TTLL5: variants seen among roughly 807,000 people sequenced by gnomAD.
The protein encoded by TTLL5 is tubulin tyrosine ligase like 5, also known as tubulin polyglutamylase TTLL5.
A neutral mutation model predicts 168.4 loss-of-function variants in TTLL5; 132 were observed. The observed-to-expected ratio is 0.78, with a 90% CI of 0.68 to 0.91. The LOEUF (loss-of-function observed/expected upper bound fraction) is 0.91, where lower values mean the gene tolerates loss of function less well. Among genes scored for constraint, TTLL5 ranks in the 40% least tolerant of loss-of-function variants. The pLI is 0.00. For missense variants in TTLL5, 1,545 were observed against 1,581.5 expected (o/e 0.98, Z 0.39); for synonymous variants, 546 against 558.6 (o/e 0.98, Z 0.32).
At chr14:75,870,507 A>G (rs979363879) in intron 29 of TTLL5, among the ~76,000 whole-genome samples, 2 of 152,166 alleles carry the variant, frequency 1.3e-5, no homozygotes, top group Non-Finnish European at 2.9e-5. Flanking sequence ...ACTTTTATTA[A>G]GTAATGGGTT....
chr14:75,945,056 G>A (rs2034725435), intron 31 of TTLL5, among the ~76,000 whole-genome samples: 1 of 151,972 alleles, frequency 6.6e-6, no homozygotes, highest in Admixed American at 6.6e-5. Context: ...GAGAAGAGAT[G>A]CAAGACGCCA....
At chr14:75,668,545 CA>C (rs1471524599) in intron 2 of TTLL5, among the ~76,000 whole-genome samples, 1 of 152,194 alleles carries the variant, frequency 6.6e-6, no homozygotes, top group Non-Finnish European at 1.5e-5. Flanking sequence ...AGTAAATATT[CA>C]TCAGCCTAAA....
chr14:75,661,985 GTTTCT>G (rs1415549787), intron 1 of TTLL5, among the ~76,000 whole-genome samples: 1 of 152,076 alleles, frequency 6.6e-6, no homozygotes, highest in African/African-American at 2.4e-5. Context: ...ATTTAAACAT[GTTTCT>G]TTTATTTGTA....
intron 30 of TTLL5, among the ~76,000 whole-genome samples, chr14:75,891,385 A>G (rs1279622003): frequency 2.6e-5 from 4 of 152,118 alleles, no homozygotes; most frequent in Middle Eastern, 3.4e-3. Flanking sequence ...TCTGCTTTCT[A>G]TAGCTCTCTC....
rs1193617462 is a variant in TTLL5, at chr14:75,707,013, A to G, written c.586-5A>G. Reference sequence around the variant, plus strand: ...ATTCTTTCATTCTTTCTCTTTACTCAATAGCCAAACCAGATCTCCCTGGAA... The same window carrying G: ...ATTCTTTCATTCTTTCTCTTTACTCGATAGCCAAACCAGATCTCCCTGGAA... On this transcript the variant is annotated splice_region_variant and splice_polypyrimidine_tract_variant and intron_variant, in intron 7 of 31. Coordinates refer to ENST00000298832, the MANE Select transcript of TTLL5 (RefSeq NM_015072.5). 2 of 1,606,488 alleles carry G rather than the reference A, an allele frequency of 1.2e-6. No homozygotes were observed. The highest frequency in any genetic ancestry group is 2.2e-5 in the East Asian group (1 of 44,564).
At chr14:75,792,784 T>G (rs780470577) in intron 26 of TTLL5, 132 bp from the exon 27 acceptor site, 100 of 711,950 alleles carry the variant, frequency 1.4e-4, no homozygotes, top group Non-Finnish European at 2.0e-4. Context: ...GAAGATAGTT[T>G]ATTTCTCCTA....
intron 15 of TTLL5, among the ~76,000 whole-genome samples, chr14:75,738,127 TGAA>T (rs1191005872): frequency 2.0e-5 from 3 of 152,222 alleles, no homozygotes; most frequent in Non-Finnish European, 4.4e-5. Context: ...ATGCTACCTT[TGAA>T]ATACAAACAT....
intron 12 of TTLL5, among the ~76,000 whole-genome samples, chr14:75,728,329 C>CAATGGTG (rs1888316222): frequency 1.4e-5 from 2 of 147,930 alleles, no homozygotes; most frequent in South Asian, 4.3e-4. Flanking sequence ...GCACTCTAGC[C>CAATGGTG]TGGGAGACAA....
intron 15 of TTLL5, among the ~76,000 whole-genome samples, chr14:75,740,613 C>T (rs1181560747): frequency 6.6e-6 from 1 of 152,140 alleles, no homozygotes; most frequent in Non-Finnish European, 1.5e-5. Flanking sequence ...TTGCTTTCTC[C>T]CCTCCACCTG....
At chr14:75,682,239 C>T (rs1299448672) in intron 4 of TTLL5, among the ~76,000 whole-genome samples, 1 of 150,218 alleles carries the variant, frequency 6.7e-6, no homozygotes, top group Non-Finnish European at 1.5e-5. Flanking sequence ...GAATGATGTG[C>T]AGAGGGGACT....
intron 18 of TTLL5, among the ~76,000 whole-genome samples, chr14:75,762,096 T>TA (rs937845046): frequency 1.1e-4 from 16 of 150,822 alleles, no homozygotes; most frequent in Admixed American, 4.6e-4. Context: ...TTTAAATATT[T>TA]AAAAAAAAAA....
intron 9 of TTLL5, among the ~76,000 whole-genome samples, chr14:75,717,261 C>T (rs1887530885): frequency 6.6e-6 from 1 of 151,968 alleles, no homozygotes; most frequent in East Asian, 1.9e-4. Context: ...ACTACAGGTG[C>T]ACACTACCAC....
At chr14:75,864,327 C>T (rs1043302567) in intron 29 of TTLL5, among the ~76,000 whole-genome samples, 1 of 152,162 alleles carries the variant, frequency 6.6e-6, no homozygotes, top group South Asian at 2.1e-4. Flanking sequence ...GCAAGTTCTT[C>T]TGGTGGGAAA....
chr14:75,766,105 G>A lies in TTLL5; in HGVS notation c.1752G>A (p.Glu584=). Residue 584 remains glutamate (E), a synonymous_variant, in exon 20 of 32, where the codon GAG becomes GAA. Transcript: ENST00000298832. ...PAEMNVKTET[E]SEEEEEVALD... ...AAATGAATGTTAAAACTGAGACAGA[G>A]AGTGAAGAGGAGGAAGAAGTCGCAT... 2 of 1,613,904 alleles carry A rather than the reference G, an allele frequency of 1.2e-6. No individual in the cohort carries two copies. The highest frequency in any genetic ancestry group is 1.1e-5 in the South Asian group (1 of 91,038).
chr14:75,704,352 A>G (rs1886493909), intron 7 of TTLL5, among the ~76,000 whole-genome samples: 3 of 152,120 alleles, frequency 2.0e-5, no homozygotes, highest in Non-Finnish European at 4.4e-5. Flanking sequence ...CAGCCTGGGC[A>G]ACATGGTGAA....
At chr14:75,683,482 A>T (rs1884787078) in intron 4 of TTLL5, 68 bp from the exon 5 acceptor site, 3 of 1,304,426 alleles carry the variant, frequency 2.3e-6, no homozygotes, top group Middle Eastern at 1.8e-4. Context: ...TTTTTCTGCC[A>T]TTGCTTTTCC....
chr14:75,669,673 A>C, intron 3 of TTLL5, 151 bp downstream of exon 3: 1 of 538,376 alleles, frequency 1.9e-6, no homozygotes. Flanking sequence ...ATAATTTCTT[A>C]AATTGTTTTC....
chr14:75,818,465 C>T, intron 27 of TTLL5: 1 of 401,046 alleles, frequency 2.5e-6, no homozygotes, highest in South Asian at 1.8e-5. Flanking sequence ...TTAGCGTGTT[C>T]CTATATCATT....
intron 31 of TTLL5, among the ~76,000 whole-genome samples, chr14:75,928,469 C>G (rs987995161): frequency 1.1e-4 from 16 of 150,548 alleles, no homozygotes; most frequent in African/African-American, 3.9e-4. Context: ...TATGGCAAAA[C>G]ACACAGACAC....
Sources: gnomAD v4.1 joint callset for allele counts (sites outside exome capture counted in the v4.1 genomes callset) on GRCh38, gnomAD v4.1.1 for gene constraint, MANE v1.5 for transcripts, NCBI Gene and HGNC (gene_info 2026-07-23, HGNC 2026-07-21) for gene names.